Variants in SEMA4D observed in about 807,000 individuals in gnomAD.
SEMA4D encodes semaphorin 4D.
Under a neutral mutation model 74.8 loss-of-function variants are expected in SEMA4D, and 22 were observed. The ratio of observed to expected loss-of-function variants is 0.29; its 90% CI spans 0.21 to 0.42. The LOEUF (loss-of-function observed/expected upper bound fraction) is 0.42. Among genes scored for constraint, SEMA4D ranks in the 10% least tolerant of loss-of-function variants. SEMA4D has a pLI of 1.00. For synonymous variants in SEMA4D, 445 were observed against 463.7 expected (o/e 0.96, Z 0.52); for missense variants, 937 against 1,118.4 (o/e 0.84, Z 2.31).
At chr9:89,415,787 G>A (rs1229430761) in intron 2 of SEMA4D, among the ~76,000 whole-genome samples, 5 of 152,122 alleles carry the variant, frequency 3.3e-5, no homozygotes, top group Non-Finnish European at 4.4e-5. Flanking sequence ...TGGCAATTCA[G>A]GGGCTGCTGG....
intron 4 of SEMA4D, among the ~76,000 whole-genome samples, chr9:89,400,514 T>C (rs1306749005): frequency 6.6e-6 from 1 of 152,126 alleles, no homozygotes; most frequent in East Asian, 1.9e-4. Flanking sequence ...CCACTTTAGG[T>C]TTCTAACTAA....
At chr9:89,431,737 A>T (rs1396195873) in intron 2 of SEMA4D, among the ~76,000 whole-genome samples, 2 of 152,048 alleles carry the variant, frequency 1.3e-5, no homozygotes, top group African/African-American at 4.8e-5. Flanking sequence ...GGCTCAAGTG[A>T]TCCTCCCACC....
chr9:89,472,476 C>CA (rs1860624696), intron 1 of SEMA4D: 2 of 263,716 alleles, frequency 7.6e-6, no homozygotes, highest in South Asian at 9.3e-5. Flanking sequence ...AAGCACCCCC[C>CA]TTTTGTAAGA....
At chr9:89,444,483 G>C (rs577954249) in intron 2 of SEMA4D, among the ~76,000 whole-genome samples, 1 of 152,342 alleles carries the variant, frequency 6.6e-6, no homozygotes, top group East Asian at 1.9e-4. Flanking sequence ...CAGCGAGTGG[G>C]ATGGAGGATC....
At chr9:89,370,159 G>T (rs997746595) in intron 16 of SEMA4D, among the ~76,000 whole-genome samples, 6 of 151,352 alleles carry the variant, frequency 4.0e-5, no homozygotes, top group Non-Finnish European at 8.9e-5. Flanking sequence ...CAGTGAGTAT[G>T]CATGGTCTGT....
At chr9:89,465,952 G>A (rs1171173162) in intron 1 of SEMA4D, among the ~76,000 whole-genome samples, 1 of 152,236 alleles carries the variant, frequency 6.6e-6, no homozygotes, top group Non-Finnish European at 1.5e-5. Context: ...AGAATAAGGT[G>A]TGTCTAGAGA....
chr9:89,449,627 G>C (rs947187900), intron 2 of SEMA4D: 3 of 1,225,760 alleles, frequency 2.4e-6, no homozygotes, highest in African/African-American at 1.5e-5. Flanking sequence ...CTATAAGATG[G>C]GGGGGTGACA....
At chr9:89,478,130 C>T (rs1415189181) in intron 1 of SEMA4D, among the ~76,000 whole-genome samples, 2 of 152,210 alleles carry the variant, frequency 1.3e-5, no homozygotes, top group Non-Finnish European at 2.9e-5. Flanking sequence ...CCAGGGCCAC[C>T]AGCTCAGCCC....
At chr9:89,488,927 G>C (rs952796941) in intron 1 of SEMA4D, among the ~76,000 whole-genome samples, 1 of 152,154 alleles carries the variant, frequency 6.6e-6, no homozygotes, top group African/African-American at 2.4e-5. Context: ...AATATGTAAA[G>C]AACACCTACA....
At chr9:89,435,027 A>T (rs558883879) in intron 2 of SEMA4D, among the ~76,000 whole-genome samples, 13 of 152,298 alleles carry the variant, frequency 8.5e-5, no homozygotes, top group African/African-American at 3.1e-4. Flanking sequence ...TAATACTGGG[A>T]AGTCCCAACC....
At chr9:89,371,858 GGTGT>G (rs540427351) in intron 16 of SEMA4D, among the ~76,000 whole-genome samples, 6 of 51,952 alleles carry the variant, frequency 1.2e-4, no homozygotes, top group Non-Finnish European at 1.9e-4. Flanking sequence ...TGGTGTCTGA[GGTGT>G]GTGTGGGGGG....
At chr9:89,380,301 G>A (rs1836733904) in intron 15 of SEMA4D, among the ~76,000 whole-genome samples, 1 of 151,982 alleles carries the variant, frequency 6.6e-6, no homozygotes, top group South Asian at 2.1e-4. Context: ...CCAAAATGCT[G>A]GGATTACAGG....
At chr9:89,457,244 GT>G (rs201246139) in intron 1 of SEMA4D, among the ~76,000 whole-genome samples, 7 of 152,076 alleles carry the variant, frequency 4.6e-5, no homozygotes, top group Admixed American at 2.0e-4. Flanking sequence ...CGCCTGACAG[GT>G]GGGGAGCAGA....
In SEMA4D at chr9:89,484,187, G is replaced by A. The variant is rs755473376; in HGVS notation, c.-310+13732C>T. On this transcript the variant is annotated intron_variant, in intron 1 of 15. Coordinates refer to ENST00000422704, the MANE Select transcript of SEMA4D (RefSeq NM_001371194.2). This position sits in a 1 kb window ranked among gnomAD's most constrained non-coding sequence, Gnocchi z 4.1. The stretch of plus-strand genomic sequence containing the variant: ...GCCCACCTGCAGCTGGGCTGCATCT[G>A]GGAGAGGCAAGCGAGGGGCCGGCCA... Among the ~76,000 whole-genome samples, 2 of 152,248 alleles carry A rather than the reference G, an allele frequency of 1.3e-5. No individual in the cohort carries two copies. The highest frequency in any genetic ancestry group is 2.4e-5 in the African/African-American group (1 of 41,468).
downstream of SEMA4D, among the ~76,000 whole-genome samples, chr9:89,372,393 G>GGGGGTGTGTGTGTGTCT (rs1176133234): frequency 1.5e-5 from 2 of 133,110 alleles, no homozygotes; most frequent in Non-Finnish European, 3.4e-5. Flanking sequence ...GTGGTGTGTC[G>GGGGGTGTGTGTGTGTCT]GGGGTGTGTG....
At chr9:89,412,140 G>T (rs937620857) in intron 2 of SEMA4D, among the ~76,000 whole-genome samples, 1 of 152,094 alleles carries the variant, frequency 6.6e-6, no homozygotes, top group Non-Finnish European at 1.5e-5. Flanking sequence ...ACCTAAAAAC[G>T]CCTCCCTGAC....
intron 1 of SEMA4D, among the ~76,000 whole-genome samples, chr9:89,478,576 A>G (rs1353202614): frequency 1.3e-5 from 2 of 152,200 alleles, no homozygotes. Flanking sequence ...CTGTGCGCCT[A>G]TGAAAAGGGA....
intron 18 of SEMA4D, among the ~76,000 whole-genome samples, chr9:89,362,665 A>G (rs1388018517): frequency 1.3e-5 from 2 of 152,218 alleles, no homozygotes; most frequent in Non-Finnish European, 2.9e-5. Flanking sequence ...GAGAGGCAGG[A>G]GGGCTGGAGA....
Position 89,399,283 on chromosome 9 carries a change from G to A in SEMA4D, c.308C>T (p.Ser103Leu). ...CTTGCAAAAGAAATTTACCTGTTTT[G>A]ATTTCCCCTTTTCTGCACATTTTGC... ...KKAKCAEKGK[S>L]KQTECLNYIR... The change falls in exon 5 of 16, where the codon TCA (serine) becomes TTA (leucine). Residue 103 changes from serine (S) to leucine (L), a missense_variant. Physicochemically the swap from Ser to Leu is moderately radical, Grantham distance 145 (BLOSUM62 -2). Coordinates refer to ENST00000422704, the MANE Select transcript of SEMA4D (RefSeq NM_001371194.2). 1 of 1,613,156 alleles carries A rather than the reference G, an allele frequency of 6.2e-7. No homozygotes were observed.
Sources: gnomAD v4.1 joint callset for allele counts (sites outside exome capture counted in the v4.1 genomes callset) on GRCh38, gnomAD v4.1.1 for gene constraint, Gnocchi (gnomAD v3.1) non-coding constraint, MANE v1.5 for transcripts, NCBI Gene and HGNC (gene_info 2026-07-23, HGNC 2026-07-21) for gene names.